DENND1B: variants seen among roughly 807,000 people sequenced by gnomAD.
DENND1B encodes DENN domain-containing protein 1B.
Under a neutral mutation model 90.1 loss-of-function variants are expected in DENND1B, and 59 were observed. The ratio of observed to expected loss-of-function variants is 0.65; its 90% CI spans 0.53 to 0.81. The LOEUF (loss-of-function observed/expected upper bound fraction) is 0.81. DENND1B is among the 40% of genes least tolerant of loss of function. The pLI is 0.00. For synonymous variants in DENND1B, 337 were observed against 324.6 expected (o/e 1.04, Z -0.41); for missense variants, 862 against 912.6 (o/e 0.94, Z 0.71).
Position 197,510,316 on chromosome 1 carries a change from C to A in DENND1B, c.*144G>T, listed in dbSNP as rs1324562221. ...TTAAAAATCAATGCATTTCATATATCCTCGAAATGAACAAGTGAGAAAAAT... is the reference window on the plus strand; with the variant it reads ...TTAAAAATCAATGCATTTCATATATACTCGAAATGAACAAGTGAGAAAAAT... On this transcript the variant is annotated 3_prime_UTR_variant, in exon 23 of 23. Transcript: ENST00000620048. 6.7e-6 allele frequency: 6 copies of A among 899,470 alleles called. No individual in the cohort carries two copies. The African/African-American group carries it at 8.5e-5, about 13-fold the overall frequency. The allele number at this position is 899,470 out of a possible 1,614,324, so 55.7% of individuals were successfully genotyped here.
At chr1:197,588,554 A>G (rs1571985413) in intron 14 of DENND1B, among the ~76,000 whole-genome samples, 1 of 152,182 alleles carries the variant, frequency 6.6e-6, no homozygotes, top group Admixed American at 6.5e-5. Flanking sequence ...CCTGGACTCA[A>G]TGTAATGTCA....
chr1:197,510,227 C>A lies in DENND1B; in HGVS notation c.*233G>T, dbSNP rs879521599. On this transcript the variant is annotated 3_prime_UTR_variant, in exon 23 of 23. Transcript: ENST00000620048. ...ACACTGGGAAATCTCATGGTCAATA[C>A]ATACTTTAAACATACATACACACTA... 5 of 515,028 alleles carry A rather than the reference C, an allele frequency of 9.7e-6. No individual in the cohort carries two copies. The highest frequency in any genetic ancestry group is 2.0e-5 in the African/African-American group (1 of 51,174). The allele number at this position is 515,028 out of a possible 1,614,324, so 31.9% of individuals were successfully genotyped here.
intron 1 of DENND1B, 127 bp from the exon 2 acceptor site, chr1:197,773,059 G>A (rs1458441248): frequency 1.3e-6 from 1 of 773,548 alleles, no homozygotes; most frequent in South Asian, 1.5e-5. Flanking sequence ...TATTACTACA[G>A]TATAGTAGAA....
intron 8 of DENND1B, among the ~76,000 whole-genome samples, chr1:197,646,454 C>T (rs755799988): frequency 1.3e-5 from 2 of 151,740 alleles, no homozygotes; most frequent in Non-Finnish European, 2.9e-5. Flanking sequence ...TCATGTTTCC[C>T]ACAATGTTCC....
intron 10 of DENND1B, among the ~76,000 whole-genome samples, chr1:197,624,337 T>C (rs1315303478): frequency 6.6e-6 from 1 of 151,686 alleles, no homozygotes; most frequent in South Asian, 2.1e-4. Context: ...GTCTTATCAA[T>C]AAATGGTGCT....
intron 6 of DENND1B, among the ~76,000 whole-genome samples, chr1:197,652,870 T>C (rs1367457849): frequency 2.0e-5 from 3 of 152,096 alleles, no homozygotes; most frequent in Admixed American, 2.0e-4. Flanking sequence ...ATCTACTTCA[T>C]AGGATTTGTA....
intron 6 of DENND1B, among the ~76,000 whole-genome samples, chr1:197,656,962 T>C (rs868542407): frequency 1.3e-5 from 2 of 152,132 alleles, no homozygotes; most frequent in African/African-American, 4.8e-5. Flanking sequence ...ATAAAATTCT[T>C]AGAAGAAAAC....
intron 13 of DENND1B, among the ~76,000 whole-genome samples, chr1:197,597,171 A>G (rs1558287277): frequency 6.8e-6 from 1 of 146,342 alleles, no homozygotes; most frequent in Non-Finnish European, 1.5e-5. Context: ...CAATAAATGC[A>G]TATTTTTTGG....
At chr1:197,537,909 T>A (rs1222376356) in intron 20 of DENND1B, among the ~76,000 whole-genome samples, 1 of 151,984 alleles carries the variant, frequency 6.6e-6, no homozygotes, top group African/African-American at 2.4e-5. Context: ...GCAAAAAATG[T>A]TAAGTATTTG....
At chr1:197,629,578 AATG>A (rs1218493444) in intron 10 of DENND1B, among the ~76,000 whole-genome samples, 1 of 151,724 alleles carries the variant, frequency 6.6e-6, no homozygotes, top group East Asian at 1.9e-4. Context: ...CCTAATGCTA[AATG>A]ATGAGTTAAT....
At chr1:197,691,791 A>C (rs1334720377) in intron 3 of DENND1B, among the ~76,000 whole-genome samples, 1 of 151,944 alleles carries the variant, frequency 6.6e-6, no homozygotes, top group Non-Finnish European at 1.5e-5. Context: ...AAAAGAAAGA[A>C]AATCCTGTCA....
chr1:197,626,264 A>G (rs1445991973), intron 10 of DENND1B, among the ~76,000 whole-genome samples: 1 of 152,108 alleles, frequency 6.6e-6, no homozygotes, highest in Non-Finnish European at 1.5e-5. Context: ...TTGACCACAT[A>G]GTTGGAAGTA....
At chr1:197,536,849 G>A (rs951644847) in intron 20 of DENND1B, among the ~76,000 whole-genome samples, 1 of 151,902 alleles carries the variant, frequency 6.6e-6, no homozygotes, top group African/African-American at 2.4e-5. Flanking sequence ...AGACCATCCT[G>A]GCTAACATAA....
At chr1:197,560,530 T>C (rs1052496211) in intron 15 of DENND1B, among the ~76,000 whole-genome samples, 3 of 151,792 alleles carry the variant, frequency 2.0e-5, no homozygotes, top group Admixed American at 1.3e-4. Context: ...GAAGACAGCA[T>C]TTAAGCCAAG....
chr1:197,683,222 T>C (rs138960948), intron 3 of DENND1B, among the ~76,000 whole-genome samples: 16 of 152,284 alleles, frequency 1.1e-4, no homozygotes, highest in African/African-American at 3.9e-4. Context: ...TTTGACTACA[T>C]CTAAATTATA....
intron 16 of DENND1B, among the ~76,000 whole-genome samples, chr1:197,551,569 C>T (rs569746450): frequency 6.6e-6 from 1 of 152,110 alleles, no homozygotes; most frequent in South Asian, 2.1e-4. Flanking sequence ...AGCCACCTAT[C>T]TCTACTCTAT....
chr1:197,610,430 T>C (rs1226526124), intron 12 of DENND1B, among the ~76,000 whole-genome samples: 2 of 146,784 alleles, frequency 1.4e-5, no homozygotes, highest in Non-Finnish European at 3.0e-5. Flanking sequence ...TCATTTGCTT[T>C]AAAAGTTGAT....
chr1:197,522,414 G>A (rs1490567214), intron 20 of DENND1B, among the ~76,000 whole-genome samples: 1 of 152,036 alleles, frequency 6.6e-6, no homozygotes, highest in Non-Finnish European at 1.5e-5. Context: ...TGATGTGGCC[G>A]TAACACATCC....
At chr1:197,669,461 T>C (rs1655274701) in intron 5 of DENND1B, among the ~76,000 whole-genome samples, 1 of 152,150 alleles carries the variant, frequency 6.6e-6, no homozygotes, top group Admixed American at 6.6e-5. Context: ...GACATTTACC[T>C]ATCTATAATT....
Sources: gnomAD v4.1 joint callset for allele counts (sites outside exome capture counted in the v4.1 genomes callset) on GRCh38, gnomAD v4.1.1 for gene constraint, MANE v1.5 for transcripts, NCBI Gene and HGNC (gene_info 2026-07-23, HGNC 2026-07-21) for gene names.